Variants in NBEAL2 observed in about 807,000 individuals in gnomAD.
NBEAL2 encodes neurobeachin-like protein 2.
Under a neutral mutation model 299.8 loss-of-function variants are expected in NBEAL2, and 160 were observed. That is an observed-to-expected ratio of 0.53 (90% CI 0.47 to 0.61). NBEAL2 has a LOEUF of 0.61. Ranked by LOEUF, NBEAL2 falls within the 20% of genes least tolerant of loss-of-function variation. The probability of loss-of-function intolerance (pLI) is 0.00; values close to 1 mark genes in which losing one functional copy is unlikely to be tolerated. For synonymous variants in NBEAL2, 1,493 were observed against 1,542.3 expected (o/e 0.97, Z 0.75); for missense variants, 3,112 against 3,649.0 (o/e 0.85, Z 3.79).
intron 1 of NBEAL2, among the ~76,000 whole-genome samples, chr3:46,981,054 C>T (rs1285075706): frequency 6.6e-6 from 1 of 152,200 alleles, no homozygotes; most frequent in Non-Finnish European, 1.5e-5. Flanking sequence ...GTGAGAGGTC[C>T]AGGCCCCAGC....
rs1000943136 is a variant in NBEAL2 at position 47,001,724 on chromosome 3, G to A, written c.4680G>A (p.Leu1560=). 9.9e-6 allele frequency: 16 copies of A among 1,613,764 alleles called. No individual in the cohort carries two copies. The Admixed American group carries it at 1.0e-4, about 10-fold the overall frequency. Residue 1560 remains leucine (L), a synonymous_variant, in exon 30 of 54, where the codon CTG becomes CTA. Transcript: ENST00000450053. The surrounding 1 kb of genome is among the most constrained non-coding windows in gnomAD (Gnocchi z 6.1). Reference sequence around the variant, plus strand: ...GTGTATGCAGCCTACTTGATCGCCTGGGAGCCTGGCCCCACCTGGCCAACG... The same window carrying A: ...GTGTATGCAGCCTACTTGATCGCCTAGGAGCCTGGCCCCACCTGGCCAACG... ...FEGVCSLLDR[L]GAWPHLANGT...
At position 47,002,543 on chromosome 3, in the gene NBEAL2, T is replaced by C. The variant is rs780574448; in HGVS notation, c.5301+23T>C. The C allele has an allele frequency of 3.1e-6, 5 of 1,611,576 alleles. No individual in the cohort carries two copies. In the South Asian group the frequency reaches 5.5e-5, roughly 18 times the overall value. On this transcript the variant is annotated intron_variant, in intron 32 of 53. Transcript: ENST00000450053. The stretch of plus-strand genomic sequence containing the variant: ...CAGGTGTGCCACCCGGGGTAAGGGA[T>C]GGGAAACTGCTCCACACATGCACCC...
rs1235183015 is a variant in NBEAL2, at chr3:46,995,594, CT to C, written c.1860del (p.Ala621ProfsTer43). 20 of 1,612,376 alleles carry C rather than the reference CT, an allele frequency of 1.2e-5. No homozygotes were observed. Among genetic ancestry groups the C allele is most frequent in the Non-Finnish European group, 1.6e-5 (19 of 1,179,558 alleles). The stretch of plus-strand genomic sequence containing the variant: ...CACCCTATGGATACAGCACCTACCC[CT>C]GCCCCCACCCGACCACTCCAGCGAA... ...CLHPMDTAPT[P>X]APTRPLQRKQ... is the part of the protein sequence containing the mutation. On this transcript the variant is annotated frameshift_variant, in exon 13 of 54. Coordinates refer to ENST00000450053, the MANE Select transcript of NBEAL2 (RefSeq NM_015175.3). LOFTEE classifies it high-confidence loss of function.
At chr3:46,987,871 C>T in intron 1 of NBEAL2, 1 of 418,046 alleles carries the variant, frequency 2.4e-6, no homozygotes, top group Non-Finnish European at 3.2e-6. Context: ...CACTGGGGCC[C>T]AGGGTGCCCC....
rs1355814707 is a variant in NBEAL2 at position 46,991,946 on chromosome 3, G to A, written c.1032G>A (p.Lys344=). The change falls in exon 9 of 54, where the codon AAG becomes AAA. Residue 344 remains lysine, a splice_region_variant and synonymous_variant. Coordinates refer to ENST00000450053, the MANE Select transcript of NBEAL2 (RefSeq NM_015175.3). This position sits in a 1 kb window ranked among gnomAD's most constrained non-coding sequence, Gnocchi z 6.2. ...EHLTRLIQNS[K]LYLQSRAPPE... is the part of the protein sequence containing the mutation. ...TCACTCGGCTCATTCAGAACAGCAAGGTGGGTAGGGCCCAGCCTGGGGGTG... is the reference window on the plus strand; with the variant it reads ...TCACTCGGCTCATTCAGAACAGCAAAGTGGGTAGGGCCCAGCCTGGGGGTG... 1.3e-6 allele frequency: 2 copies of A among 1,592,018 alleles called. No homozygotes were observed. Among genetic ancestry groups the A allele is most frequent in the South Asian group, 1.1e-5 (1 of 87,524 alleles).
chr3:47,000,080 G>A lies in NBEAL2; in HGVS notation c.3981G>A (p.Glu1327=). The A allele has an allele frequency of 6.2e-7, 1 of 1,613,516 alleles. No individual in the cohort carries two copies. The highest frequency in any genetic ancestry group is 8.5e-7 in the Non-Finnish European group (1 of 1,179,834). The part of the protein sequence containing the change: ...PPKPPTESPA[E]PSDVFLPSEA... ...AGCCACCCACTGAGTCACCTGCTGAGCCTTCAGATGTCTTCCTGCCCTCAG... is the reference window on the plus strand; with the variant it reads ...AGCCACCCACTGAGTCACCTGCTGAACCTTCAGATGTCTTCCTGCCCTCAG... Residue 1327 remains glutamate (E), a synonymous_variant, in exon 27 of 54, where the codon GAG becomes GAA. Coordinates refer to ENST00000450053, the MANE Select transcript of NBEAL2 (RefSeq NM_015175.3). The surrounding 1 kb of genome is among the most constrained non-coding windows in gnomAD (Gnocchi z 4.5).
rs575653374 is a variant in NBEAL2 at position 47,007,743 on chromosome 3, G to A, written c.7507+46G>A. ...GGGGAGAATGAGGCACACAGGTATG[G>A]GGCCGGGTTCTGAGGCTGGCCAGGG... On this transcript the variant is annotated intron_variant, in intron 48 of 53. Transcript: ENST00000450053. The A allele has an allele frequency of 3.4e-4, 551 of 1,609,252 alleles. 3 individuals are homozygous for A. The South Asian group carries it at 5.7e-3, about 17-fold the overall frequency.
At position 46,995,935 on chromosome 3, in the gene NBEAL2, T is replaced by C; in HGVS notation, c.2035T>C (p.Cys679Arg). Residue 679 changes from cysteine to arginine, a missense_variant, in exon 15 of 54, where the codon TGC becomes CGC. Physicochemically the swap from Cys to Arg is radical, Grantham distance 180. This residue lies in a region of NBEAL2 where 2,243 missense variants were observed against 2,538.1 expected (regional missense o/e 0.88). Transcript: ENST00000450053. ...EVSFADSAWH[C>R]VAIVHVPGRR... ...TAATGTGAGGCTTCTGTTCTAGCAC[T>C]GCGTGGCTATCGTCCATGTGCCTGG... 1 of 1,613,448 alleles carries C rather than the reference T, an allele frequency of 6.2e-7. No individual in the cohort carries two copies. Among genetic ancestry groups the C allele is most frequent in the Non-Finnish European group, 8.5e-7 (1 of 1,179,780 alleles).
Position 47,002,370 on chromosome 3 carries a change from G to A in NBEAL2, c.5152-1G>A. The A allele has an allele frequency of 1.2e-6, 2 of 1,613,550 alleles. No individual in the cohort carries two copies. The highest frequency in any genetic ancestry group is 1.7e-6 in the Non-Finnish European group (2 of 1,179,852). On this transcript the variant is annotated splice_acceptor_variant, in intron 31 of 53. Coordinates refer to ENST00000450053, the MANE Select transcript of NBEAL2 (RefSeq NM_015175.3). LOFTEE classifies it high-confidence loss of function. ...CTGTTCTCCTCTGCCCAATCCTCCA[G>A]GTACAGCCAACCATGTCCCAGTTCG... is the stretch of plus-strand genomic sequence containing the variant.
Position 46,989,087 on chromosome 3 carries a change from A to G in NBEAL2, c.272A>G (p.Asn91Ser). Residue 91 changes from asparagine to serine, a missense_variant and splice_region_variant, in exon 4 of 54, where the codon AAC becomes AGC. This residue lies in a region of NBEAL2 where 2,243 missense variants were observed against 2,538.1 expected (regional missense o/e 0.88). Coordinates refer to ENST00000450053, the MANE Select transcript of NBEAL2 (RefSeq NM_015175.3). This position sits in a 1 kb window ranked among gnomAD's most constrained non-coding sequence, Gnocchi z 5.5. ...TCTCTCATCATTGACTCCCCCAGGAACCTGGAGAACATAGAGGCAGGCCGG... is the reference window on the plus strand; with the variant it reads ...TCTCTCATCATTGACTCCCCCAGGAGCCTGGAGAACATAGAGGCAGGCCGG... ...LLKLFIILCRNLENIEAGRGQ... is the reference protein window; with the variant it reads ...LLKLFIILCRSLENIEAGRGQ... 1 of 1,613,658 alleles carries G rather than the reference A, an allele frequency of 6.2e-7. No individual in the cohort carries two copies. Among genetic ancestry groups the G allele is most frequent in the East Asian group, 2.2e-5 (1 of 44,858 alleles).
At position 47,004,669 on chromosome 3, in the gene NBEAL2, G is replaced by A; in HGVS notation, c.6294+79G>A. On this transcript the variant is annotated intron_variant, in intron 38 of 53. Coordinates refer to ENST00000450053, the MANE Select transcript of NBEAL2 (RefSeq NM_015175.3). The surrounding 1 kb of genome is among the most constrained non-coding windows in gnomAD (Gnocchi z 5.0). ...TTGGTTCCCCCAAGTGTAGGTACCT[G>A]CCAGTGGGCCAAGCTCTGAGCTTGG... 7.1e-7 allele frequency: 1 copy of A among 1,409,652 alleles called. No individual in the cohort carries two copies. The highest frequency in any genetic ancestry group is 1.0e-6 in the Non-Finnish European group (1 of 998,238). 87.3% of individuals were successfully genotyped at this position (1,409,652 alleles called of 1,614,324 possible).
At chr3:46,980,441 C>A (rs1042518401) in intron 1 of NBEAL2, among the ~76,000 whole-genome samples, 1 of 152,048 alleles carries the variant, frequency 6.6e-6, no homozygotes, top group Non-Finnish European at 1.5e-5. Context: ...TGAGTTGCAT[C>A]CCCCCACACC....
In NBEAL2 at chr3:47,001,418, C is replaced by G; in HGVS notation, c.4624C>G (p.Gln1542Glu). The change falls in exon 29 of 54, where the codon CAG becomes GAG. Residue 1542 changes from glutamine to glutamate, a missense_variant. Gln to Glu is a conservative substitution (Grantham distance 29). This residue lies in a region of NBEAL2 where 2,243 missense variants were observed against 2,538.1 expected (regional missense o/e 0.88). Transcript: ENST00000450053. This position sits in a 1 kb window ranked among gnomAD's most constrained non-coding sequence, Gnocchi z 6.1. The part of the protein sequence containing the change: ...DFLCAEGHGN[Q>E]ELWSEKLFEG... ...CCTGTGTGCTGAAGGCCATGGTAACCAGGAACTGTGGAGTGAGAAGGTGCG... is the reference window on the plus strand; with the variant it reads ...CCTGTGTGCTGAAGGCCATGGTAACGAGGAACTGTGGAGTGAGAAGGTGCG... 6.2e-7 allele frequency: 1 copy of G among 1,612,884 alleles called. No homozygotes were observed.
chr3:46,997,813 T>A, intron 20 of NBEAL2, 119 bp downstream of exon 20: 1 of 1,363,748 alleles, frequency 7.3e-7, no homozygotes, highest in South Asian at 1.6e-5. Context: ...GCCACTTGAG[T>A]GGGGCCTGAA....
rs2036416087 is a variant in NBEAL2, at chr3:46,995,426, C to T, written c.1691C>T (p.Thr564Ile). ...CGACACGCAGGTGCTGTCATCCGCA[C>T]ATTATCAGGCATGGCCAGGCACCAG... ...KARHAGAVIR[T>I]LSGMARHQGP... is the part of the protein sequence containing the mutation. The change falls in exon 13 of 54, where the codon ACA (threonine) becomes ATA (isoleucine). Residue 564 changes from threonine (T) to isoleucine (I), a missense_variant. Coordinates refer to ENST00000450053, the MANE Select transcript of NBEAL2 (RefSeq NM_015175.3). The T allele has an allele frequency of 1.9e-6, 3 of 1,612,706 alleles. No individual in the cohort carries two copies. Among genetic ancestry groups the T allele is most frequent in the African/African-American group, 1.3e-5 (1 of 74,944 alleles).
intron 50 of NBEAL2, 25 bp downstream of exon 50, chr3:47,008,211 G>A (rs1032487345): frequency 3.7e-6 from 6 of 1,613,584 alleles, no homozygotes; most frequent in Non-Finnish European, 5.1e-6. Context: ...GTGCCCTGGG[G>A]AGGGTGAGTT....
In NBEAL2 at chr3:47,003,092, G is replaced by GTT. The variant is rs766406173; in HGVS notation, c.5584+12_5584+13insTT. ...TCCGAGACAATCTGGGTGAGGGAGT[G>GTT]TGCTGAGATGGGTCCACCCAACTCG... On this transcript the variant is annotated intron_variant, in intron 34 of 53. Coordinates refer to ENST00000450053, the MANE Select transcript of NBEAL2 (RefSeq NM_015175.3). This position sits in a 1 kb window ranked among gnomAD's most constrained non-coding sequence, Gnocchi z 7.0. 3 of 1,612,146 alleles carry GTT rather than the reference G, an allele frequency of 1.9e-6. No homozygotes were observed. In the South Asian group the frequency reaches 3.3e-5, roughly 18 times the overall value.
chr3:46,986,442 G>C (rs566859309), intron 1 of NBEAL2, among the ~76,000 whole-genome samples: 2 of 152,208 alleles, frequency 1.3e-5, no homozygotes, highest in Admixed American at 6.5e-5. Flanking sequence ...GAACCACAGA[G>C]GGGGAGAGGT....
chr3:46,991,933 T>A lies in NBEAL2; in HGVS notation c.1019T>A (p.Ile340Asn). The change falls in exon 9 of 54, where the codon ATT becomes AAT. Residue 340 changes from isoleucine (I) to asparagine (N), a missense_variant. Ile to Asn is a moderately radical substitution (Grantham distance 149). This residue lies in a region of NBEAL2 where 2,243 missense variants were observed against 2,538.1 expected (regional missense o/e 0.88). Transcript: ENST00000450053. The surrounding 1 kb of genome is among the most constrained non-coding windows in gnomAD (Gnocchi z 6.2). ...NNCFEHLTRL[I>N]QNSKLYLQSR... is the part of the protein sequence containing the mutation. ...TGCTTTGAACACCTCACTCGGCTCA[T>A]TCAGAACAGCAAGGTGGGTAGGGCC... 1 of 1,598,880 alleles carries A rather than the reference T, an allele frequency of 6.3e-7. No homozygotes were observed. Among genetic ancestry groups the A allele is most frequent in the South Asian group, 1.1e-5 (1 of 88,278 alleles).
Sources: allele counts gnomAD v4.1 joint callset (sites outside exome capture counted in the v4.1 genomes callset), GRCh38; gene constraint gnomAD v4.1.1; regional missense constraint gnomAD v4.1.1; non-coding constraint Gnocchi (gnomAD v3.1); transcripts MANE v1.5; gene names NCBI Gene and HGNC (gene_info 2026-07-23, HGNC 2026-07-21).